Variants in ZNF516 observed in about 807,000 individuals in gnomAD.
ZNF516 encodes the protein zinc finger protein 516.
ZNF516 carries 19 observed loss-of-function variants against 79.7 expected under a neutral mutation model. That is an observed-to-expected ratio of 0.24 (90% CI 0.17 to 0.35). The LOEUF (loss-of-function observed/expected upper bound fraction) is 0.35, where lower values mean the gene tolerates loss of function less well. Among genes scored for constraint, ZNF516 ranks in the 10% least tolerant of loss-of-function variants. The pLI, the probability that ZNF516 is intolerant of heterozygous loss-of-function variation, is 1.00. For missense variants in ZNF516, 1,678 were observed against 1,679.5 expected, an observed-to-expected ratio of 1.00 and a Z score of 0.02; for synonymous variants, 877 against 739.5, an observed-to-expected ratio of 1.19 and a Z score of -3.02.
At chr18:76,370,286 A>G (rs939195659) in intron 6 of ZNF516, among the ~76,000 whole-genome samples, 5 of 152,120 alleles carry the variant, frequency 3.3e-5, no homozygotes, top group African/African-American at 1.2e-4. Context: ...CCTCCTCCCC[A>G]ATACAACCAA....
At chr18:76,424,435 C>G (rs2075559719) in intron 3 of ZNF516, among the ~76,000 whole-genome samples, 1 of 141,082 alleles carries the variant, frequency 7.1e-6, no homozygotes, top group African/African-American at 2.7e-5. Context: ...CATACACACG[C>G]AGGTGAAAAG....
intron 3 of ZNF516, among the ~76,000 whole-genome samples, chr18:76,427,008 G>T (rs2075602749): frequency 6.6e-6 from 1 of 152,184 alleles, no homozygotes. Context: ...CCAGCCCATG[G>T]GTCCTGCTAT....
intron 3 of ZNF516, among the ~76,000 whole-genome samples, chr18:76,416,905 G>A (rs529489695): frequency 6.6e-6 from 1 of 151,834 alleles, no homozygotes; most frequent in Non-Finnish European, 1.5e-5. Context: ...TCAAATTACC[G>A]CTGTTGTTAA....
intron 1 of ZNF516, among the ~76,000 whole-genome samples, chr18:76,485,195 G>T (rs1268095856): frequency 6.6e-6 from 1 of 152,164 alleles, no homozygotes; most frequent in Non-Finnish European, 1.5e-5. Flanking sequence ...TTTAAATTAT[G>T]CTTGGTGTTA....
chr18:76,361,736 T>A lies in ZNF516; in HGVS notation c.*762A>T, dbSNP rs1349371141. The A allele has an allele frequency of 6.6e-6, 1 of 152,260 alleles. No homozygotes were observed. The highest frequency in any genetic ancestry group is 1.5e-5 in the Non-Finnish European group (1 of 68,052). 9.4% of individuals were successfully genotyped at this position (152,260 alleles called of 1,614,324 possible). ...TAAACAAGAAGCCTGCTTTTCTTAG[T>A]GTTGCGCTAGCTCTCTTCCGAGGCG... On this transcript the variant is annotated 3_prime_UTR_variant, in exon 7 of 7. Transcript: ENST00000443185.
chr18:76,388,208 C>T (rs1054853353), intron 3 of ZNF516: 1 of 152,180 alleles, frequency 6.6e-6, no homozygotes, highest in Non-Finnish European at 1.5e-5. Context: ...CCTGTATGAC[C>T]CGATTCTTCC....
chr18:76,446,170 TAAG>T (rs964544065), intron 2 of ZNF516, among the ~76,000 whole-genome samples: 3 of 151,886 alleles, frequency 2.0e-5, no homozygotes, highest in Non-Finnish European at 2.9e-5. Context: ...AGAGAAACAA[TAAG>T]AAGAAGCCAC....
At chr18:76,454,534 G>A (rs1912605752) in intron 2 of ZNF516, among the ~76,000 whole-genome samples, 1 of 152,152 alleles carries the variant, frequency 6.6e-6, no homozygotes, top group Non-Finnish European at 1.5e-5. Context: ...ACATGACCTA[G>A]TTTATCACTA....
At chr18:76,489,036 G>C (rs766347993) in intron 1 of ZNF516, among the ~76,000 whole-genome samples, 2 of 152,214 alleles carry the variant, frequency 1.3e-5, no homozygotes, top group East Asian at 1.9e-4. Flanking sequence ...GCTGCAGAAC[G>C]CAGTGAGCTT....
chr18:76,466,264 G>GCT (rs1913460697), intron 1 of ZNF516, among the ~76,000 whole-genome samples: 1 of 152,068 alleles, frequency 6.6e-6, no homozygotes, highest in Non-Finnish European at 1.5e-5. Context: ...CGGCCACCTC[G>GCT]CTCTCCACTG....
intron 2 of ZNF516, among the ~76,000 whole-genome samples, chr18:76,457,374 G>A (rs890372022): frequency 6.6e-6 from 1 of 152,162 alleles, no homozygotes; most frequent in Non-Finnish European, 1.5e-5. Context: ...GGGAAACTAC[G>A]TTAACTAAAT....
chr18:76,382,718 C>T (rs2074913646), intron 3 of ZNF516, among the ~76,000 whole-genome samples: 1 of 152,202 alleles, frequency 6.6e-6, no homozygotes, highest in African/African-American at 2.4e-5. Context: ...CGAGACCAGC[C>T]TGGCCAACAT....
At chr18:76,411,259 C>T (rs778351761) in intron 3 of ZNF516, among the ~76,000 whole-genome samples, 1 of 152,186 alleles carries the variant, frequency 6.6e-6, no homozygotes, top group African/African-American at 2.4e-5. Flanking sequence ...AAATGGGTGT[C>T]GTGTACCTTT....
chr18:76,483,487 CGTCATCGGCATCTGTCT>C lies in ZNF516; in HGVS notation c.-272+11640_-272+11656del, dbSNP rs1914649476. Among the ~76,000 whole-genome samples, 4 of 152,160 alleles carry C rather than the reference CGTCATCGGCATCTGTCT, an allele frequency of 2.6e-5. No individual in the cohort carries two copies. In the South Asian group the frequency reaches 8.4e-4, roughly 32 times the overall value. ...CATCTGTCCGTCATCAGCATCTGTC[CGTCATCGGCATCTGTCT>C]GTCACGGGTCATCTGCCGCACCACA... On this transcript the variant is annotated intron_variant, in intron 1 of 6. Transcript: ENST00000443185.
At chr18:76,464,925 T>C (rs1253897815) in intron 1 of ZNF516, among the ~76,000 whole-genome samples, 1 of 152,162 alleles carries the variant, frequency 6.6e-6, no homozygotes, top group Non-Finnish European at 1.5e-5. Flanking sequence ...CCAGTATCTT[T>C]AGTGATGCGG....
rs773163957 is a variant in ZNF516, at chr18:76,379,102, C to G, written c.3012G>C (p.Ser1004=). ...GAGTCCTCAGCTCCTGGGCTGCCTT[C>G]GAGGGGGGCTCGCGGGGAGGTAGAG... ...APPLPPREPP[S]KAAQELRTLA... is the part of the protein sequence containing the mutation. Residue 1004 remains serine (S), a synonymous_variant, in exon 4 of 7, where the codon TCG becomes TCC. Coordinates refer to ENST00000443185, the MANE Select transcript of ZNF516 (RefSeq NM_014643.4). 3.2e-5 allele frequency: 51 copies of G among 1,611,370 alleles called. No homozygotes were observed. The African/African-American group carries it at 5.3e-4, about 17-fold the overall frequency.
intron 3 of ZNF516, among the ~76,000 whole-genome samples, chr18:76,421,398 T>A (rs1434893234): frequency 6.6e-6 from 1 of 152,176 alleles, no homozygotes; most frequent in Non-Finnish European, 1.5e-5. Context: ...GGCTTCGAGC[T>A]TTAAGGAACA....
At chr18:76,411,495 T>C (rs901131224) in intron 3 of ZNF516, among the ~76,000 whole-genome samples, 34 of 152,276 alleles carry the variant, frequency 2.2e-4, no homozygotes, top group African/African-American at 6.0e-4. Flanking sequence ...TCAGAGTTAA[T>C]AGACAAGACA....
intron 3 of ZNF516, among the ~76,000 whole-genome samples, chr18:76,428,466 G>C (rs1043086278): frequency 2.8e-4 from 43 of 151,776 alleles, no homozygotes; most frequent in Non-Finnish European, 5.7e-4. Context: ...ACTGCAGCAT[G>C]TTTACTGCAG....
Sources: gnomAD v4.1 joint callset for allele counts (sites outside exome capture counted in the v4.1 genomes callset) on GRCh38, gnomAD v4.1.1 for gene constraint, MANE v1.5 for transcripts, NCBI Gene and HGNC (gene_info 2026-07-23, HGNC 2026-07-21) for gene names.